The following MDGA2 variants were observed in gnomAD, a reference collection of about 807,000 sequenced individuals.
The protein encoded by MDGA2 is MAM domain-containing glycosylphosphatidylinositol anchor protein 2.
In MDGA2, 40 loss-of-function variants were observed where a neutral mutation model predicts 117.8. The ratio of observed to expected loss-of-function variants is 0.34; its 90% CI spans 0.26 to 0.44. The LOEUF is 0.44. MDGA2 is among the 20% of genes least tolerant of loss of function. MDGA2 has a pLI of 1.00. For missense variants in MDGA2, 1,123 were observed against 1,250.6 expected, an observed-to-expected ratio of 0.90 and a Z score of 1.54; for synonymous variants, 452 against 439.0, an observed-to-expected ratio of 1.03 and a Z score of -0.37.
chr14:47,030,068 C>T (rs79904646), intron 8 of MDGA2, among the ~76,000 whole-genome samples: 20,412 of 151,918 alleles, frequency 0.13, 1,537 homozygotes, highest in African/African-American at 0.2. Context: ...CCTCGTGATC[C>T]ACCCACCTCA....
chr14:47,262,211 T>C (rs1373356625), intron 2 of MDGA2, among the ~76,000 whole-genome samples: 2 of 152,172 alleles, frequency 1.3e-5, no homozygotes, highest in East Asian at 3.8e-4. Flanking sequence ...GCCCTATCAA[T>C]ACATATTGTT....
chr14:47,413,478 G>T (rs1892414035), intron 1 of MDGA2, among the ~76,000 whole-genome samples: 1 of 152,024 alleles, frequency 6.6e-6, no homozygotes, highest in African/African-American at 2.4e-5. Flanking sequence ...GCATTGCCTG[G>T]GTCTTCAAGA....
chr14:47,026,296 T>G (rs1304091716), intron 8 of MDGA2, among the ~76,000 whole-genome samples: 1 of 152,168 alleles, frequency 6.6e-6, no homozygotes, highest in East Asian at 1.9e-4. Flanking sequence ...TGCCTTTGAT[T>G]TCTCACTTTC....
chr14:47,584,830 TAC>T (rs1373772540), intron 1 of MDGA2, among the ~76,000 whole-genome samples: 3 of 151,946 alleles, frequency 2.0e-5, no homozygotes, highest in East Asian at 3.9e-4. Context: ...GCCAAGCTGT[TAC>T]AGTTTCCATA....
chr14:46,871,537 C>CAAAGT (rs1305804383), intron 14 of MDGA2: 2 of 151,934 alleles, frequency 1.3e-5, no homozygotes, highest in African/African-American at 2.4e-5. Context: ...AAATAATCCA[C>CAAAGT]AAAGTATCCT....
At position 47,599,314 on chromosome 14, in the gene MDGA2, T is replaced by G. The variant is rs17118959; in HGVS notation, c.280+75203A>C. Among the ~76,000 whole-genome samples, 971 of 124,474 alleles carry G rather than the reference T, an allele frequency of 7.8e-3. 16 individuals are homozygous for G. Among genetic ancestry groups the G allele is most frequent in the African/African-American group, 0.041 (911 of 22,448 alleles). 81.7% of individuals were successfully genotyped at this position (124,474 alleles called of 152,430 possible). ...CAGTTGGAAACTAAGACAAATGCTGTTTTTTTTTTTGCATTTTATTCAAAT... is the reference window on the plus strand; with the variant it reads ...CAGTTGGAAACTAAGACAAATGCTGGTTTTTTTTTTGCATTTTATTCAAAT... On this transcript the variant is annotated intron_variant, in intron 1 of 16. Coordinates refer to ENST00000399232, the MANE Select transcript of MDGA2 (RefSeq NM_001113498.3).
chr14:46,995,166 C>T (rs573168708), intron 8 of MDGA2, among the ~76,000 whole-genome samples: 55 of 152,064 alleles, frequency 3.6e-4, no homozygotes, highest in African/African-American at 1.3e-3. Context: ...TAAAACAAAA[C>T]AAAAATTATT....
At chr14:47,492,432 A>G (rs1336172638) in intron 1 of MDGA2, among the ~76,000 whole-genome samples, 1 of 152,068 alleles carries the variant, frequency 6.6e-6, no homozygotes, top group Non-Finnish European at 1.5e-5. Context: ...CAATGAGTTT[A>G]TAATGAGTGC....
At chr14:47,662,217 C>T (rs896944472) in intron 1 of MDGA2, among the ~76,000 whole-genome samples, 3 of 152,068 alleles carry the variant, frequency 2.0e-5, no homozygotes, top group African/African-American at 7.2e-5. Context: ...TTGGGATTAG[C>T]CTAAATAAAG....
At chr14:47,621,051 T>G (rs771891442) in intron 1 of MDGA2, among the ~76,000 whole-genome samples, 1 of 152,158 alleles carries the variant, frequency 6.6e-6, no homozygotes, top group African/African-American at 2.4e-5. Context: ...TCCTTTGAAA[T>G]TTTGGTCACC....
chr14:47,105,058 G>A (rs1050261362), intron 5 of MDGA2, among the ~76,000 whole-genome samples: 14 of 152,062 alleles, frequency 9.2e-5, no homozygotes, highest in African/African-American at 1.4e-4. Flanking sequence ...TTGCAGGGAC[G>A]CCTCTCTGAT....
intron 1 of MDGA2, among the ~76,000 whole-genome samples, chr14:47,424,764 TA>T (rs2138514105): frequency 6.6e-6 from 1 of 152,310 alleles, no homozygotes; most frequent in Non-Finnish European, 1.5e-5. Context: ...CTCTTTTCCA[TA>T]AGAAAAATAC....
At chr14:47,498,952 A>G (rs1017681510) in intron 1 of MDGA2, among the ~76,000 whole-genome samples, 4 of 152,132 alleles carry the variant, frequency 2.6e-5, no homozygotes, top group Non-Finnish European at 5.9e-5. Context: ...CAGTTTATAA[A>G]TCATGTAGCA....
chr14:47,589,714 G>A (rs531188267), intron 1 of MDGA2, among the ~76,000 whole-genome samples: 2 of 151,996 alleles, frequency 1.3e-5, no homozygotes, highest in East Asian at 3.9e-4. Flanking sequence ...GGCAGAGGGG[G>A]TTTTGATGTA....
chr14:47,288,946 G>A (rs556889284), intron 2 of MDGA2, among the ~76,000 whole-genome samples: 99 of 152,132 alleles, frequency 6.5e-4, no homozygotes, highest in South Asian at 5.6e-3. Flanking sequence ...TGTGATGAGC[G>A]TAATTTAGAA....
At chr14:47,288,758 C>T (rs1888774702) in intron 2 of MDGA2, among the ~76,000 whole-genome samples, 1 of 151,944 alleles carries the variant, frequency 6.6e-6, no homozygotes. Context: ...TTAACAATTC[C>T]TTAAAAAAAG....
At chr14:47,289,121 T>C (rs944069563) in intron 2 of MDGA2, among the ~76,000 whole-genome samples, 1 of 152,004 alleles carries the variant, frequency 6.6e-6, no homozygotes, top group Non-Finnish European at 1.5e-5. Context: ...TTTCATTAGA[T>C]TAGAGATTTG....
chr14:47,108,888 A>G (rs1225120751), intron 5 of MDGA2, among the ~76,000 whole-genome samples: 1 of 152,226 alleles, frequency 6.6e-6, no homozygotes, highest in Non-Finnish European at 1.5e-5. Flanking sequence ...AGCTATACCA[A>G]TAGTTGGGGT....
In MDGA2 at chr14:47,300,192, G is replaced by A. The variant is rs971462497; in HGVS notation, c.420+1219C>T. 6.6e-5 allele frequency among the ~76,000 whole-genome samples: 10 copies of A among 152,176 alleles called. No homozygotes were observed. The South Asian group carries it at 1.9e-3, about 28-fold the overall frequency. Reference sequence around the variant, plus strand: ...TCATAAAATCTCCACATTACTTTTCGCTTTTCCCTCTGTAGCTTTGTTAGC... The same window carrying A: ...TCATAAAATCTCCACATTACTTTTCACTTTTCCCTCTGTAGCTTTGTTAGC... On this transcript the variant is annotated intron_variant, in intron 2 of 16. Coordinates refer to ENST00000399232, the MANE Select transcript of MDGA2 (RefSeq NM_001113498.3).
Sources: allele counts gnomAD v4.1 joint callset (sites outside exome capture counted in the v4.1 genomes callset), GRCh38; gene constraint gnomAD v4.1.1; transcripts MANE v1.5; gene names NCBI Gene and HGNC (gene_info 2026-07-23, HGNC 2026-07-21).